The following MCM3 variants were observed in gnomAD, a reference collection of about 807,000 sequenced individuals.
MCM3 encodes minichromosome maintenance complex component 3, also known as DNA replication licensing factor MCM3.
MCM3 carries 59 observed loss-of-function variants against 91.3 expected under a neutral mutation model. The observed-to-expected ratio is 0.65, with a 90% CI of 0.52 to 0.80. MCM3 has a LOEUF of 0.80. Ranked by LOEUF, MCM3 falls within the 30% of genes least tolerant of loss-of-function variation. MCM3 has a pLI of 0.00. For missense variants in MCM3, 919 were observed against 1,035.4 expected, an observed-to-expected ratio of 0.89 and a Z score of 1.54; for synonymous variants, 383 against 379.6, an observed-to-expected ratio of 1.01 and a Z score of -0.10.
At chr6:52,271,322 T>C (rs1421173749) in intron 12 of MCM3, among the ~76,000 whole-genome samples, 1 of 150,474 alleles carries the variant, frequency 6.6e-6, no homozygotes, top group Admixed American at 6.6e-5. Flanking sequence ...TAAAATCCTA[T>C]GTGAACTACA....
rs75359110 is a variant in MCM3 at position 52,269,912 on chromosome 6, A to C, written c.1828-686T>G. Among the ~76,000 whole-genome samples, 240 of 152,336 alleles carry C rather than the reference A, an allele frequency of 1.6e-3. 1 individual carries two copies. Among genetic ancestry groups the C allele is most frequent in the African/African-American group, 5.3e-3 (222 of 41,578 alleles). On this transcript the variant is annotated intron_variant, in intron 12 of 16. Coordinates refer to ENST00000596288, the MANE Select transcript of MCM3 (RefSeq NM_002388.6). ...AGTGTTTAGGACTAGATATGTGTAC[A>C]AGTTTCAGGTGATTCTGATGTATCC...
chr6:52,266,124 C>T lies in MCM3; in HGVS notation c.2179G>A (p.Asp727Asn). ...MPQVHTPKTADSQETKESQKV... is the reference protein window; with the variant it reads ...MPQVHTPKTANSQETKESQKV... Reference sequence around the variant, plus strand: ...TGGGATTCCTTGGTCTCCTGTGAGTCTGCCGTCTTTGGAGTGTGTACTTCA... The same window carrying T: ...TGGGATTCCTTGGTCTCCTGTGAGTTTGCCGTCTTTGGAGTGTGTACTTCA... Residue 727 changes from aspartate (D) to asparagine (N), a missense_variant, in exon 16 of 17, where the codon GAC becomes AAC. Asp to Asn is a conservative substitution (Grantham distance 23, BLOSUM62 1). Transcript: ENST00000596288. The T allele has an allele frequency of 6.2e-7, 1 of 1,614,096 alleles. No homozygotes were observed.
Position 52,273,859 on chromosome 6 carries a change from G to A in MCM3, c.1432C>T (p.Arg478Ter). ...NIGLQDSLLS[R>*]FDLLFIMLDQ... ...AGCATGATGAAGAGCAAGTCAAATC[G>A]TGACAGCAGTGAGTCCTGTAGCCCA... The change falls in exon 10 of 17, where the codon CGA (arginine) becomes TGA (stop). Residue 478 changes from arginine (R) to a stop codon, truncating the protein, a stop_gained. Coordinates refer to ENST00000596288, the MANE Select transcript of MCM3 (RefSeq NM_002388.6). LOFTEE classifies it high-confidence loss of function. The A allele has an allele frequency of 1.2e-6, 2 of 1,614,068 alleles. No individual in the cohort carries two copies. The highest frequency in any genetic ancestry group is 1.7e-6 in the Non-Finnish European group (2 of 1,179,988).
chr6:52,277,395 A>C, intron 7 of MCM3, 140 bp downstream of exon 7: 1 of 1,077,270 alleles, frequency 9.3e-7, no homozygotes, highest in Non-Finnish European at 1.3e-6. Flanking sequence ...ATGACAAAAA[A>C]AAAAAAGATT....
At chr6:52,270,620 A>T (rs1244417866) in intron 12 of MCM3, among the ~76,000 whole-genome samples, 5 of 152,216 alleles carry the variant, frequency 3.3e-5, no homozygotes, top group Admixed American at 3.3e-4. Context: ...GGCCTGCACT[A>T]GCAGACCTAG....
In MCM3 at chr6:52,273,778, G is replaced by A; in HGVS notation, c.1513C>T (p.His505Tyr). 6.2e-7 allele frequency: 1 copy of A among 1,613,548 alleles called. No homozygotes were observed. Among genetic ancestry groups the A allele is most frequent in the Non-Finnish European group, 8.5e-7 (1 of 1,179,882 alleles). The change falls in exon 10 of 17, where the codon CAC becomes TAC. Residue 505 changes from histidine to tyrosine, a missense_variant. Transcript: ENST00000596288. ...REISDHVLRMHRYRAPGEQDG... is the reference protein window; with the variant it reads ...REISDHVLRMYRYRAPGEQDG... ...TGCTCCCCAGGTGCTCTGTAACGGTGCATCCGAAGGACATGGTCTGAGATC... is the reference window on the plus strand; with the variant it reads ...TGCTCCCCAGGTGCTCTGTAACGGTACATCCGAAGGACATGGTCTGAGATC...
At chr6:52,277,314 A>AT in intron 7 of MCM3, 116 bp from the exon 8 acceptor site, 4 of 1,198,266 alleles carry the variant, frequency 3.3e-6, no homozygotes, top group Non-Finnish European at 4.6e-6. Context: ...GGATTTTAAT[A>AT]TTTTTCCTTC....
chr6:52,280,132 T>A lies in MCM3; in HGVS notation c.532-533A>T, dbSNP rs1765954078. ...TGAGCATAAAAAGCCCATAAGTATT[T>A]AAATAAAAAACAGCTGAAAGTAATC... On this transcript the variant is annotated intron_variant, in intron 4 of 16. Coordinates refer to ENST00000596288, the MANE Select transcript of MCM3 (RefSeq NM_002388.6). Among the ~76,000 whole-genome samples the A allele has an allele frequency of 2.6e-5, 4 of 152,212 alleles. 1 individual carries two copies. In the South Asian group the frequency reaches 8.3e-4, roughly 31 times the overall value.
At chr6:52,282,519 C>G in intron 3 of MCM3, 134 bp downstream of exon 3, 1 of 740,946 alleles carries the variant, frequency 1.3e-6, no homozygotes, top group Non-Finnish European at 2.3e-6. Flanking sequence ...ACACTGAGCC[C>G]TCCAAGTTTT....
chr6:52,265,703 T>A (rs1257043406), intron 16 of MCM3, among the ~76,000 whole-genome samples: 2 of 151,766 alleles, frequency 1.3e-5, no homozygotes, highest in African/African-American at 4.8e-5. Flanking sequence ...AAAACCCTGG[T>A]GGTAAAAATT....
chr6:52,283,195 C>CT lies in MCM3; in HGVS notation c.191+98dup, dbSNP rs1766293963. ...AGCTACGAGGGCTTGTAGATCAATCCTGTTTCATACAAGTCCTCTCCTGAG... is the reference window on the plus strand; with the variant it reads ...AGCTACGAGGGCTTGTAGATCAATCCTTGTTTCATACAAGTCCTCTCCTGAG... On this transcript the variant is annotated intron_variant, in intron 2 of 16. Coordinates refer to ENST00000596288, the MANE Select transcript of MCM3 (RefSeq NM_002388.6). 5.1e-6 allele frequency: 5 copies of CT among 975,504 alleles called. No individual in the cohort carries two copies. In the Admixed American group the frequency reaches 9.5e-5, roughly 19 times the overall value. The allele number at this position is 975,504 out of a possible 1,614,324, so 60.4% of individuals were successfully genotyped here. A position where few individuals can be genotyped will look rare whatever the true frequency, so the allele number is the denominator to read the frequency against.
chr6:52,272,503 C>T, intron 11 of MCM3, 52 bp from the exon 12 acceptor site: 11 of 1,607,136 alleles, frequency 6.8e-6, no homozygotes, highest in Non-Finnish European at 8.5e-6. Flanking sequence ...TACCACCTGC[C>T]TGGATTAGTG....
chr6:52,265,983 C>T, intron 16 of MCM3, 92 bp downstream of exon 16: 2 of 1,004,972 alleles, frequency 2.0e-6, no homozygotes, highest in Non-Finnish European at 3.1e-6. Context: ...TGATGACCAG[C>T]AGTTTGTTTC....
Position 52,277,062 on chromosome 6 carries a change from C to T in MCM3, c.1165+5G>A, listed in dbSNP as rs1765635478. 2 of 1,613,452 alleles carry T rather than the reference C, an allele frequency of 1.2e-6. No homozygotes were observed. The highest frequency in any genetic ancestry group is 1.7e-6 in the Non-Finnish European group (2 of 1,179,628). On this transcript the variant is annotated splice_donor_5th_base_variant and intron_variant, in intron 8 of 16. Transcript: ENST00000596288. ...GGCCTTTGCCAAGGACCCTTACACCCTTACCTGTTTCCTGGTCTGTGGTGA... is the reference window on the plus strand; with the variant it reads ...GGCCTTTGCCAAGGACCCTTACACCTTTACCTGTTTCCTGGTCTGTGGTGA...
At position 52,282,785 on chromosome 6, in the gene MCM3, T is replaced by A; in HGVS notation, c.268A>T (p.Thr90Ser). The A allele has an allele frequency of 6.2e-7, 1 of 1,613,914 alleles. No homozygotes were observed. The highest frequency in any genetic ancestry group is 8.5e-7 in the Non-Finnish European group (1 of 1,180,016). ...LKDFVASIDA[T>S]YAKQYEEFYV... The stretch of plus-strand genomic sequence containing the variant: ...AACTCCTCATACTGCTTGGCATAGG[T>A]AGCATCAATGGAGGCCACAAAATCC... Residue 90 changes from threonine (T) to serine (S), a missense_variant, in exon 3 of 17, where the codon ACC (threonine) becomes TCC (serine). By Grantham distance (58) the Thr-to-Ser change is moderately conservative (BLOSUM62 1). Transcript: ENST00000596288.
intron 5 of MCM3, among the ~76,000 whole-genome samples, chr6:52,279,115 A>G (rs1765839469): frequency 6.6e-6 from 1 of 151,912 alleles, no homozygotes; most frequent in African/African-American, 2.4e-5. Context: ...TAAATGAGAA[A>G]CTCCCAGGAA....
Position 52,266,631 on chromosome 6 carries a change from G to T in MCM3, c.2138C>A (p.Thr713Lys), listed in dbSNP as rs1329308678. ...CTCACCTTGAGGCATTTCCTCCTCT[G>T]TGTCACTGAAGTCATAGGGGTCGTA... ...DSYDPYDFSD[T>K]EEEMPQVHTP... The change falls in exon 15 of 17, where the codon ACA becomes AAA. Residue 713 changes from threonine (T) to lysine (K), a missense_variant. This residue lies in a region of MCM3 where 285 missense variants were observed against 311.4 expected (regional missense o/e 0.92). Transcript: ENST00000596288. 6.2e-7 allele frequency: 1 copy of T among 1,614,118 alleles called. No homozygotes were observed. Among genetic ancestry groups the T allele is most frequent in the Non-Finnish European group, 8.5e-7 (1 of 1,179,990 alleles).
intron 14 of MCM3, among the ~76,000 whole-genome samples, chr6:52,267,337 C>A (rs1028621135): frequency 6.6e-6 from 1 of 152,018 alleles, no homozygotes; most frequent in Non-Finnish European, 1.5e-5. Flanking sequence ...ACCTCGTGAT[C>A]CGCCTGCCTC....
intron 4 of MCM3, 53 bp from the exon 5 acceptor site, chr6:52,279,652 G>T: frequency 7.5e-7 from 1 of 1,327,102 alleles, no homozygotes; most frequent in Non-Finnish European, 1.1e-6. Flanking sequence ...TCTTAAAAAT[G>T]CCACACTCAC....
Sources: allele counts gnomAD v4.1 joint callset (sites outside exome capture counted in the v4.1 genomes callset), GRCh38; gene constraint gnomAD v4.1.1; regional missense constraint gnomAD v4.1.1; transcripts MANE v1.5; gene names NCBI Gene and HGNC (gene_info 2026-07-23, HGNC 2026-07-21).